PABPC4L: variants seen among roughly 807,000 people sequenced by gnomAD.
PABPC4L encodes polyadenylate-binding protein 4-like.
For missense variants in PABPC4L, 452 were observed against 451.4 expected, an observed-to-expected ratio of 1.00 and a Z score of -0.01; for synonymous variants, 169 against 164.1, an observed-to-expected ratio of 1.03 and a Z score of -0.23.
chr4:134,099,186 G>A, the PABPC4L span, among the ~76,000 whole-genome samples: 2 of 151,590 alleles, frequency 1.3e-5, no homozygotes, highest in Non-Finnish European at 3.0e-5. Context: ...TAAAATATAC[G>A]TGGTGATAAT....
At chr4:134,185,855 A>G in the PABPC4L span, among the ~76,000 whole-genome samples, 1 of 152,158 alleles carries the variant, frequency 6.6e-6, no homozygotes, top group Non-Finnish European at 1.5e-5. Flanking sequence ...ATACAAAACC[A>G]ATGTGCAAAA....
the PABPC4L span, among the ~76,000 whole-genome samples, chr4:134,145,655 A>C: frequency 3.3e-5 from 5 of 151,928 alleles, no homozygotes; most frequent in Non-Finnish European, 7.4e-5. Flanking sequence ...AAAGTACATA[A>C]GGGCCACAAT....
At chr4:134,044,231 C>T in the PABPC4L span, among the ~76,000 whole-genome samples, 1 of 151,822 alleles carries the variant, frequency 6.6e-6, no homozygotes, top group South Asian at 2.1e-4. Flanking sequence ...TGCACCTGGT[C>T]TATAATGAGA....
the PABPC4L span, among the ~76,000 whole-genome samples, chr4:134,006,818 G>C: frequency 6.6e-6 from 1 of 151,696 alleles, no homozygotes; most frequent in Non-Finnish European, 1.5e-5. Context: ...AACTCGTATG[G>C]AGAAATTTTA....
downstream of PABPC4L, among the ~76,000 whole-genome samples, chr4:134,193,798 T>C (rs937788763): frequency 4.6e-5 from 7 of 151,624 alleles, no homozygotes; most frequent in African/African-American, 1.2e-4. Context: ...ATTAGACTGA[T>C]AGAAAAAAAG....
At chr4:134,178,599 T>A in the PABPC4L span, among the ~76,000 whole-genome samples, 3,414 of 152,088 alleles carry the variant, frequency 0.022, 128 homozygotes, top group African/African-American at 0.078. Flanking sequence ...ATGAAAATCA[T>A]CAACTTACAG....
At chr4:133,968,068 A>C in the PABPC4L span, among the ~76,000 whole-genome samples, 1 of 152,206 alleles carries the variant, frequency 6.6e-6, no homozygotes, top group Non-Finnish European at 1.5e-5. Flanking sequence ...CCTACTAGTG[A>C]AACACAAAAT....
At chr4:134,078,900 T>A in the PABPC4L span, among the ~76,000 whole-genome samples, 1 of 150,136 alleles carries the variant, frequency 6.7e-6, no homozygotes, top group East Asian at 2.0e-4. Context: ...ACTTCGGACC[T>A]CAGGTGATCT....
At chr4:134,125,509 A>G in the PABPC4L span, among the ~76,000 whole-genome samples, 5 of 152,260 alleles carry the variant, frequency 3.3e-5, no homozygotes, top group South Asian at 8.3e-4. Flanking sequence ...ATTTTGCTAT[A>G]AACTGTTGCC....
At chr4:134,042,698 A>G in the PABPC4L span, among the ~76,000 whole-genome samples, 1 of 152,160 alleles carries the variant, frequency 6.6e-6, no homozygotes, top group Non-Finnish European at 1.5e-5. Context: ...CAGAATAGAA[A>G]TTTTAATAAG....
chr4:134,022,372 C>T, the PABPC4L span, among the ~76,000 whole-genome samples: 1 of 151,968 alleles, frequency 6.6e-6, no homozygotes, highest in South Asian at 2.1e-4. Flanking sequence ...TCTGACACAC[C>T]AAATATATTT....
At chr4:134,113,357 G>A in the PABPC4L span, among the ~76,000 whole-genome samples, 9 of 151,812 alleles carry the variant, frequency 5.9e-5, no homozygotes, top group African/African-American at 1.7e-4. Flanking sequence ...GGTAAGTGAC[G>A]TATACAGGTA....
chr4:133,965,127 A>C, the PABPC4L span, among the ~76,000 whole-genome samples: 1 of 152,158 alleles, frequency 6.6e-6, no homozygotes, highest in South Asian at 2.1e-4. Context: ...AAGTTTTCAG[A>C]TACAAGATTA....
At chr4:134,116,726 T>G in the PABPC4L span, among the ~76,000 whole-genome samples, 1 of 151,762 alleles carries the variant, frequency 6.6e-6, no homozygotes, top group Non-Finnish European at 1.5e-5. Context: ...TTAAGATGTA[T>G]AAATTTATGT....
chr4:134,132,123 A>G, the PABPC4L span, among the ~76,000 whole-genome samples: 2 of 152,034 alleles, frequency 1.3e-5, no homozygotes, highest in African/African-American at 4.8e-5. Flanking sequence ...AGAAGATAAT[A>G]TCAGAAAAAA....
the PABPC4L span, among the ~76,000 whole-genome samples, chr4:134,085,236 G>A: frequency 1.3e-5 from 2 of 151,958 alleles, no homozygotes; most frequent in Non-Finnish European, 2.9e-5. Flanking sequence ...CTCTATCACT[G>A]TTTTCATAAA....
the PABPC4L span, among the ~76,000 whole-genome samples, chr4:134,005,703 A>G: frequency 6.6e-6 from 1 of 151,788 alleles, no homozygotes; most frequent in Non-Finnish European, 1.5e-5. Context: ...CAAAACCCTC[A>G]TGGACTTAAG....
At chr4:134,097,595 C>T in the PABPC4L span, among the ~76,000 whole-genome samples, 1 of 151,900 alleles carries the variant, frequency 6.6e-6, no homozygotes, top group Non-Finnish European at 1.5e-5. Flanking sequence ...AACACATGCT[C>T]AGGATTGGAA....
chr4:134,091,288 T>C, the PABPC4L span, among the ~76,000 whole-genome samples: 1 of 152,000 alleles, frequency 6.6e-6, no homozygotes, highest in Admixed American at 6.6e-5. Flanking sequence ...CTTCTTTATA[T>C]TCTAATGGGC....
Sources: allele counts gnomAD v4.1 joint callset (sites outside exome capture counted in the v4.1 genomes callset), GRCh38; gene constraint gnomAD v4.1.1; transcripts MANE v1.5; gene names NCBI Gene and HGNC (gene_info 2026-07-23, HGNC 2026-07-21).